Variants in RIPOR3 observed in about 807,000 individuals in gnomAD.
RIPOR3 encodes the protein family with sequence similarity 65 member C.
RIPOR3 carries 95 observed loss-of-function variants against 114.3 expected under a neutral mutation model. That is an observed-to-expected ratio of 0.83 (90% CI 0.70 to 0.99). The LOEUF is 0.99. Among genes scored for constraint, RIPOR3 ranks in the 50% least tolerant of loss-of-function variants. The pLI is 0.00. For missense variants in RIPOR3, 1,252 were observed against 1,266.9 expected, an observed-to-expected ratio of 0.99 and a Z score of 0.18; for synonymous variants, 575 against 543.8, an observed-to-expected ratio of 1.06 and a Z score of -0.80.
At chr20:50,672,053 G>C (rs781732007) in intron 1 of RIPOR3, among the ~76,000 whole-genome samples, 1 of 151,998 alleles carries the variant, frequency 6.6e-6, no homozygotes, top group Non-Finnish European at 1.5e-5. Context: ...TGGATGGATG[G>C]AAGGATGGAT....
At chr20:50,594,492 G>T (rs2083221354) in intron 17 of RIPOR3, 61 bp downstream of exon 17, 2 of 1,567,746 alleles carry the variant, frequency 1.3e-6, no homozygotes, top group Non-Finnish European at 1.7e-6. Context: ...CACCCTGAAG[G>T]CCCTGGAGAC....
intron 4 of RIPOR3, among the ~76,000 whole-genome samples, chr20:50,612,988 G>T (rs761442074): frequency 1.2e-4 from 19 of 152,210 alleles, no homozygotes; most frequent in Non-Finnish European, 2.1e-4. Flanking sequence ...AGCTACTTGA[G>T]AGGCTGAGGT....
intron 1 of RIPOR3, among the ~76,000 whole-genome samples, chr20:50,677,000 A>G (rs1031629079): frequency 1.3e-5 from 2 of 152,230 alleles, no homozygotes; most frequent in East Asian, 1.9e-4. Context: ...GCTCACAACT[A>G]TCAACACAGA....
chr20:50,592,329 C>T lies in RIPOR3; in HGVS notation c.2577+15G>A. On this transcript the variant is annotated intron_variant, in intron 19 of 21. Coordinates refer to ENST00000327979, the MANE Select transcript of RIPOR3 (RefSeq NM_001290268.2). The stretch of plus-strand genomic sequence containing the variant: ...ATCTGTGGCCAGGGTCTGCCACCTG[C>T]CCTGGACAACGTACCTTTTCCCGGA... 1 of 1,553,066 alleles carries T rather than the reference C, an allele frequency of 6.4e-7. No individual in the cohort carries two copies. The highest frequency in any genetic ancestry group is 1.2e-5 in the South Asian group (1 of 83,120).
chr20:50,593,002 C>T, intron 18 of RIPOR3, 33 bp downstream of exon 18: 1 of 1,611,028 alleles, frequency 6.2e-7, no homozygotes. Flanking sequence ...GTGGATATTC[C>T]TCTGCTATGA....
intron 1 of RIPOR3, among the ~76,000 whole-genome samples, chr20:50,654,439 T>G (rs796922354): frequency 0.015 from 2,049 of 138,498 alleles, 92 homozygotes; most frequent in African/African-American, 0.051. Context: ...TTTTTTTTTT[T>G]TTTTTTTTTG....
intron 20 of RIPOR3, among the ~76,000 whole-genome samples, chr20:50,588,558 G>A (rs1060402): frequency 0.46 from 69,712 of 151,858 alleles, 16,813 homozygotes; most frequent in Middle Eastern, 0.64. Flanking sequence ...CATATTCTCC[G>A]GTCCTAGAAT....
chr20:50,624,183 G>A (rs2084532801), intron 2 of RIPOR3, among the ~76,000 whole-genome samples: 1 of 152,292 alleles, frequency 6.6e-6, no homozygotes, highest in Non-Finnish European at 1.5e-5. Context: ...AGCCCACAGG[G>A]GCTGTGCTCC....
intron 16 of RIPOR3, 58 bp downstream of exon 16, chr20:50,595,311 T>C: frequency 1.3e-6 from 2 of 1,587,484 alleles, no homozygotes; most frequent in South Asian, 2.2e-5. Context: ...CCCCGAGCTT[T>C]GATCCCGTCC....
At chr20:50,644,780 C>G (rs1228546599) in intron 1 of RIPOR3, among the ~76,000 whole-genome samples, 1 of 145,754 alleles carries the variant, frequency 6.9e-6, no homozygotes. Context: ...CTCAACCTCC[C>G]GAAGTGTTGG....
rs563986367 is a variant in RIPOR3 at position 50,605,599 on chromosome 20, G to A, written c.957-825C>T. Reference sequence around the variant, plus strand: ...GCCTCCATAACCTGGCAAAACCCCCGTCTCTACAAAAAATGAATACATTAG... The same window carrying A: ...GCCTCCATAACCTGGCAAAACCCCCATCTCTACAAAAAATGAATACATTAG... On this transcript the variant is annotated intron_variant, in intron 11 of 21. Transcript: ENST00000327979. 1.1e-4 allele frequency among the ~76,000 whole-genome samples: 16 copies of A among 150,810 alleles called. No homozygotes were observed. The East Asian group carries it at 2.6e-3, about 24-fold the overall frequency.
At chr20:50,595,654 G>T (rs2083263422) in intron 15 of RIPOR3, 150 bp from the exon 16 acceptor site, 2 of 1,200,038 alleles carry the variant, frequency 1.7e-6, no homozygotes, top group Admixed American at 4.8e-5. Flanking sequence ...TTTCACCAAG[G>T]TGGCTGAGCT....
At chr20:50,668,613 T>C (rs1215732294) in intron 1 of RIPOR3, among the ~76,000 whole-genome samples, 1 of 152,136 alleles carries the variant, frequency 6.6e-6, no homozygotes, top group Non-Finnish European at 1.5e-5. Context: ...TCCCAGCACT[T>C]TGGGAGGTCA....
rs150858224 is a variant in RIPOR3 at position 50,593,752 on chromosome 20, G to A, written c.2213-556C>T. 2.6e-3 allele frequency among the ~76,000 whole-genome samples: 399 copies of A among 152,160 alleles called. 2 individuals are homozygous for A. The highest frequency in any genetic ancestry group is 3.9e-3 in the Non-Finnish European group (265 of 67,996). ...CACACCACACCTGGATCAAAATCCC[G>A]GAGGCAGGGCCTGGGAATATGCATG... On this transcript the variant is annotated intron_variant, in intron 17 of 21. Coordinates refer to ENST00000327979, the MANE Select transcript of RIPOR3 (RefSeq NM_001290268.2).
chr20:50,617,917 T>C (rs1295247572), intron 3 of RIPOR3, among the ~76,000 whole-genome samples: 2 of 152,046 alleles, frequency 1.3e-5, no homozygotes, highest in Non-Finnish European at 2.9e-5. Context: ...GCGTCTGGCC[T>C]GGTTTCAACT....
chr20:50,663,426 G>A (rs111453929), intron 1 of RIPOR3, among the ~76,000 whole-genome samples: 3 of 152,176 alleles, frequency 2.0e-5, no homozygotes, highest in Non-Finnish European at 2.9e-5. Context: ...CAGGCAGTGC[G>A]ACTCCACCTC....
chr20:50,649,066 C>T (rs752941455), intron 1 of RIPOR3, among the ~76,000 whole-genome samples: 19 of 152,180 alleles, frequency 1.2e-4, no homozygotes, highest in African/African-American at 3.6e-4. Flanking sequence ...AGCTGCATGA[C>T]GCCAATCTCT....
intron 1 of RIPOR3, among the ~76,000 whole-genome samples, chr20:50,652,921 T>A (rs1303284876): frequency 6.6e-6 from 1 of 152,196 alleles, no homozygotes; most frequent in Non-Finnish European, 1.5e-5. Flanking sequence ...AGCAAATGGT[T>A]AAATGTAAAT....
chr20:50,615,474 G>A (rs984679288), intron 4 of RIPOR3, among the ~76,000 whole-genome samples: 1 of 150,202 alleles, frequency 6.7e-6, no homozygotes, highest in South Asian at 2.1e-4. Context: ...GCAGTGAGCC[G>A]GGATTGTGCC....
Sources: gnomAD v4.1 joint callset for allele counts (sites outside exome capture counted in the v4.1 genomes callset) on GRCh38, gnomAD v4.1.1 for gene constraint, MANE v1.5 for transcripts, NCBI Gene and HGNC (gene_info 2026-07-23, HGNC 2026-07-21) for gene names.